The following DDX1 variants were observed in gnomAD, a reference collection of about 807,000 sequenced individuals.
DDX1 encodes DEAD-box helicase 1, also known as ATP-dependent RNA helicase DDX1.
A neutral mutation model predicts 108.7 loss-of-function variants in DDX1; 28 were observed. That is an observed-to-expected ratio of 0.26 (90% CI 0.19 to 0.35). The LOEUF is 0.35. Among genes scored for constraint, DDX1 ranks in the 10% least tolerant of loss-of-function variants. The probability of loss-of-function intolerance (pLI) is 1.00; values close to 1 mark genes in which losing one functional copy is unlikely to be tolerated. For synonymous variants in DDX1, 295 were observed against 288.9 expected, an observed-to-expected ratio of 1.02 and a Z score of -0.21; for missense variants, 710 against 884.5, an observed-to-expected ratio of 0.80 and a Z score of 2.50.
intron 8 of DDX1, 40 bp downstream of exon 8, chr2:15,603,315 T>C (rs1665616140): frequency 7.6e-7 from 1 of 1,309,378 alleles, no homozygotes; most frequent in African/African-American, 1.5e-5. Context: ...TGATTTACAT[T>C]TGGGGGATAA....
At chr2:15,621,561 C>T (rs1666008020) in intron 18 of DDX1, among the ~76,000 whole-genome samples, 3 of 150,132 alleles carry the variant, frequency 2.0e-5, no homozygotes, top group Non-Finnish European at 3.0e-5. Flanking sequence ...CCACCTCGAC[C>T]TCCCAAAGTT....
intron 3 of DDX1, among the ~76,000 whole-genome samples, chr2:15,596,006 T>A (rs1665491220): frequency 6.6e-6 from 1 of 152,170 alleles, no homozygotes; most frequent in Admixed American, 6.5e-5. Flanking sequence ...TATTTCAGCC[T>A]CCCAATTAGG....
chr2:15,610,183 C>T (rs1013488588), intron 13 of DDX1, among the ~76,000 whole-genome samples: 5 of 152,174 alleles, frequency 3.3e-5, no homozygotes, highest in Admixed American at 3.3e-4. Flanking sequence ...CCTTGTGTCT[C>T]CGCCTCCGAA....
At chr2:15,608,354 C>T (rs1465012223) in intron 13 of DDX1, among the ~76,000 whole-genome samples, 2 of 151,958 alleles carry the variant, frequency 1.3e-5, no homozygotes, top group Admixed American at 6.6e-5. Context: ...ACGGTGAAAC[C>T]CCATCTCTAC....
chr2:15,621,172 A>C (rs1319803171), intron 18 of DDX1, 56 bp downstream of exon 18: 2 of 1,242,462 alleles, frequency 1.6e-6, no homozygotes, highest in Non-Finnish European at 2.4e-6. Flanking sequence ...TTTATACCTT[A>C]CCTATTCTCA....
rs776629765 is a variant in DDX1, at chr2:15,591,906, A to C, written c.-28A>C. 6.8e-7 allele frequency: 1 copy of C among 1,466,644 alleles called. No individual in the cohort carries two copies. 90.9% of individuals were successfully genotyped at this position (1,466,644 alleles called of 1,614,324 possible). A position where few individuals can be genotyped will look rare whatever the true frequency, so the allele number is the denominator to read the frequency against. ...GTCAGTCGGGAGGGAGGGAGCGAGC[A>C]GGCGAAGCCGCGGAGGACGGGGTGA... On this transcript the variant is annotated 5_prime_UTR_variant, in exon 1 of 26. Transcript: ENST00000233084.
chr2:15,606,369 G>C, intron 12 of DDX1, 105 bp downstream of exon 12: 1 of 714,998 alleles, frequency 1.4e-6, no homozygotes, highest in Non-Finnish European at 2.3e-6. Flanking sequence ...TTTCCTTGCT[G>C]GTTTAGTCAC....
At chr2:15,608,473 G>A (rs570997311) in intron 13 of DDX1, among the ~76,000 whole-genome samples, 16 of 151,370 alleles carry the variant, frequency 1.1e-4, no homozygotes, top group East Asian at 5.8e-4. Context: ...GTTGCATTGA[G>A]GCCAAGATTG....
intron 20 of DDX1, among the ~76,000 whole-genome samples, chr2:15,627,714 C>T (rs376871231): frequency 6.6e-6 from 1 of 151,938 alleles, no homozygotes; most frequent in South Asian, 2.1e-4. Flanking sequence ...TTAATAGGCC[C>T]CAGTGTATAG....
At chr2:15,613,133 T>A in intron 13 of DDX1, 91 bp from the exon 14 acceptor site, 1 of 866,784 alleles carries the variant, frequency 1.2e-6, no homozygotes, top group Non-Finnish European at 1.7e-6. Context: ...CAACCTTAAT[T>A]TCCACCTAAA....
chr2:15,617,200 T>C, intron 14 of DDX1, 44 bp from the exon 15 acceptor site: 1 of 1,030,138 alleles, frequency 9.7e-7, no homozygotes. Context: ...GTAATTATAC[T>C]GTTTCTTTAG....
intron 13 of DDX1, among the ~76,000 whole-genome samples, chr2:15,611,584 C>T (rs1279936945): frequency 3.1e-5 from 4 of 128,590 alleles, no homozygotes; most frequent in Admixed American, 7.3e-5. Flanking sequence ...ACCTCCCTCC[C>T]GGACGGGGCG....
chr2:15,625,095 C>T (rs993331529), intron 19 of DDX1, among the ~76,000 whole-genome samples: 1 of 152,100 alleles, frequency 6.6e-6, no homozygotes, highest in African/African-American at 2.4e-5. Flanking sequence ...GTGTGAAATA[C>T]AGTGGAATAC....
rs763790527 is a variant in DDX1 at position 15,621,069 on chromosome 2, A to G, written c.1400A>G (p.Asp467Gly). The change falls in exon 18 of 26, where the codon GAT (aspartate) becomes GGT (glycine). Residue 467 changes from aspartate (D) to glycine (G), a missense_variant. Around this residue, in one of 3 missense-constraint regions of DDX1, gnomAD observed 661 missense variants for 810.2 expected, o/e 0.82. Coordinates refer to ENST00000233084, the MANE Select transcript of DDX1 (RefSeq NM_004939.3). ...ERLGKSHIRT[D>G]DVHAKDNTRP... is the part of the protein sequence containing the mutation. ...TTTATTCCTTGCTTTTGATAGACTG[A>G]TGATGTACATGCAAAAGATAACACA... The G allele has an allele frequency of 3.7e-6, 6 of 1,606,196 alleles. No individual in the cohort carries two copies. Among genetic ancestry groups the G allele is most frequent in the Non-Finnish European group, 5.1e-6 (6 of 1,173,720 alleles).
chr2:15,606,009 C>T lies in DDX1; in HGVS notation c.685C>T (p.Pro229Ser). The change falls in exon 11 of 26, where the codon CCT becomes TCT. Residue 229 changes from proline (P) to serine (S), a missense_variant. Pro to Ser is a moderately conservative substitution (Grantham distance 74). This residue lies in a region of DDX1 where 661 missense variants were observed against 810.2 expected (regional missense o/e 0.82). Transcript: ENST00000233084. ...ACATATGAAAAACCAAGCCCTCTTT[C>T]CTGCCTGTGTTTTGAAGGTAATTAG... is the stretch of plus-strand genomic sequence containing the variant. ...PPHMKNQALF[P>S]ACVLKNAELK... 1 of 1,588,568 alleles carries T rather than the reference C, an allele frequency of 6.3e-7. No individual in the cohort carries two copies. Among genetic ancestry groups the T allele is most frequent in the Non-Finnish European group, 8.5e-7 (1 of 1,170,896 alleles).
chr2:15,600,705 A>G (rs1372490083), intron 6 of DDX1, among the ~76,000 whole-genome samples: 1 of 150,852 alleles, frequency 6.6e-6, no homozygotes, highest in Non-Finnish European at 1.5e-5. Flanking sequence ...AATAGTAACC[A>G]AAGGACTGTA....
rs1484141914 is a variant in DDX1, at chr2:15,623,561, T to A, written c.1573T>A (p.Tyr525Asn). ...TKIDCDNLEQ[Y>N]FIQQGGGPDK... Reference sequence around the variant, plus strand: ...AATTGACTGTGATAACTTGGAGCAGTACTTTATACAACAAGGAGGAGGTAA... The same window carrying A: ...AATTGACTGTGATAACTTGGAGCAGAACTTTATACAACAAGGAGGAGGTAA... The change falls in exon 19 of 26, where the codon TAC becomes AAC. Residue 525 changes from tyrosine to asparagine, a missense_variant. Transcript: ENST00000233084. The A allele has an allele frequency of 1.2e-6, 2 of 1,613,504 alleles. No homozygotes were observed. Among genetic ancestry groups the A allele is most frequent in the Non-Finnish European group, 1.7e-6 (2 of 1,179,572 alleles).
intron 5 of DDX1, 68 bp from the exon 6 acceptor site, chr2:15,599,601 C>A: frequency 7.9e-7 from 1 of 1,272,428 alleles, no homozygotes; most frequent in Non-Finnish European, 1.1e-6. Context: ...TCGTGAGTCA[C>A]CGCACCCGGC....
At chr2:15,625,511 A>G (rs1045440970) in intron 19 of DDX1, among the ~76,000 whole-genome samples, 3 of 152,178 alleles carry the variant, frequency 2.0e-5, no homozygotes, top group African/African-American at 4.8e-5. Flanking sequence ...GATGTCTGCA[A>G]TTTACATTGA....
Sources: gnomAD v4.1 joint callset for allele counts (sites outside exome capture counted in the v4.1 genomes callset) on GRCh38, gnomAD v4.1.1 for gene constraint, gnomAD v4.1.1 regional missense constraint, MANE v1.5 for transcripts, NCBI Gene and HGNC (gene_info 2026-07-23, HGNC 2026-07-21) for gene names.